CELF2: variants seen among roughly 807,000 people sequenced by gnomAD.
CELF2 encodes CUG triplet repeat RNA-binding protein 2.
In CELF2, 8 loss-of-function variants were observed where a neutral mutation model predicts 62.6. That is an observed-to-expected ratio of 0.13 (90% CI 0.07 to 0.23). The LOEUF (loss-of-function observed/expected upper bound fraction) is 0.23, where lower values mean the gene tolerates loss of function less well. Among genes scored for constraint, CELF2 ranks in the 10% least tolerant of loss-of-function variants. The pLI is 1.00. For missense variants in CELF2, 333 were observed against 671.0 expected (o/e 0.50, Z 5.56); for synonymous variants, 258 against 250.0 (o/e 1.03, Z -0.30).
At chr10:11,275,238 A>T in intron 8 of CELF2, 118 bp downstream of exon 8, 2 of 1,061,992 alleles carry the variant, frequency 1.9e-6, no homozygotes, top group Non-Finnish European at 2.9e-6. Context: ...CAGACTTGTT[A>T]GCTTTCTGTC....
chr10:10,701,228 C>T, the CELF2 span, among the ~76,000 whole-genome samples: 5 of 152,220 alleles, frequency 3.3e-5, no homozygotes, highest in Non-Finnish European at 7.3e-5. Flanking sequence ...TAGGCAGAGG[C>T]TAATGCCTTC....
intron 1 of CELF2, among the ~76,000 whole-genome samples, chr10:10,829,164 T>C (rs1032421507): frequency 7.2e-5 from 11 of 152,248 alleles, no homozygotes; most frequent in African/African-American, 2.4e-4. Flanking sequence ...CACTGTCCTA[T>C]GGACTGATAC....
chr10:10,679,895 G>T, the CELF2 span, among the ~76,000 whole-genome samples: 29 of 152,168 alleles, frequency 1.9e-4, 1 homozygote, highest in Middle Eastern at 3.2e-3. Flanking sequence ...TTCAGTTGCT[G>T]CACTGAACCT....
chr10:11,249,129 A>G lies in CELF2; in HGVS notation c.355-24A>G, dbSNP rs781073758. On this transcript the variant is annotated intron_variant, in intron 3 of 12. Coordinates refer to ENST00000633077, the MANE Select transcript of CELF2 (RefSeq NM_001326342.2). ...TTTTACAGTTGTTCAATCTGCCTTT[A>G]CTTTCTCCCTTTTGTGTTTTTAGAT... 3.7e-6 allele frequency: 6 copies of G among 1,604,050 alleles called. No homozygotes were observed. The Admixed American group carries it at 1.0e-4, about 27-fold the overall frequency.
chr10:11,139,494 T>C (rs1305131176), intron 1 of CELF2, among the ~76,000 whole-genome samples: 2 of 152,226 alleles, frequency 1.3e-5, no homozygotes, highest in Non-Finnish European at 2.9e-5. Context: ...TATGGTATTA[T>C]GTGCTAAATA....
intron 4 of CELF2, among the ~76,000 whole-genome samples, chr10:11,249,858 C>T (rs1032176453): frequency 6.6e-6 from 1 of 152,144 alleles, no homozygotes; most frequent in African/African-American, 2.4e-5. Flanking sequence ...TCCCTTTCAG[C>T]GAACCTTCTG....
At chr10:10,469,669 G>A in the CELF2 span, among the ~76,000 whole-genome samples, 1 of 151,766 alleles carries the variant, frequency 6.6e-6, no homozygotes, top group African/African-American at 2.4e-5. Flanking sequence ...AATTGGTTGG[G>A]AAGTATTCCT....
chr10:10,996,666 T>G (rs922949958), intron 2 of CELF2, among the ~76,000 whole-genome samples: 1 of 152,222 alleles, frequency 6.6e-6, no homozygotes, highest in Non-Finnish European at 1.5e-5. Context: ...TTCAACCCTT[T>G]TATAATGCCT....
At chr10:10,814,301 A>C (rs1392587417) in intron 1 of CELF2, among the ~76,000 whole-genome samples, 2 of 149,536 alleles carry the variant, frequency 1.3e-5, no homozygotes, top group Non-Finnish European at 1.5e-5. Flanking sequence ...TTTATTGCCC[A>C]AAAGAGCCAG....
the CELF2 span, among the ~76,000 whole-genome samples, chr10:10,680,144 C>CGTACGTAT: frequency 3.3e-5 from 5 of 150,764 alleles, no homozygotes; most frequent in East Asian, 7.8e-4. Flanking sequence ...TATGTATGTA[C>CGTACGTAT]GTATGTATGT....
intron 1 of CELF2, among the ~76,000 whole-genome samples, chr10:10,893,944 A>G (rs2062349800): frequency 6.6e-6 from 1 of 152,176 alleles, no homozygotes; most frequent in South Asian, 2.1e-4. Context: ...GGGGACACAG[A>G]TCCAAACCAT....
intron 2 of CELF2, among the ~76,000 whole-genome samples, chr10:11,205,839 T>C (rs912637028): frequency 6.6e-6 from 1 of 152,212 alleles, no homozygotes; most frequent in African/African-American, 2.4e-5. Context: ...AAGACAGTTA[T>C]AACGGCCATA....
the CELF2 span, among the ~76,000 whole-genome samples, chr10:10,561,176 T>A: frequency 3.3e-5 from 5 of 152,288 alleles, no homozygotes; most frequent in South Asian, 6.2e-4. Context: ...ATAAAATTTT[T>A]AAAAATTTCC....
chr10:10,533,854 A>T, the CELF2 span, among the ~76,000 whole-genome samples: 49 of 152,214 alleles, frequency 3.2e-4, no homozygotes, highest in Non-Finnish European at 4.9e-4. Flanking sequence ...AGGCACACAG[A>T]TATCTACTTG....
chr10:11,034,526 A>T (rs12771424), intron 1 of CELF2, among the ~76,000 whole-genome samples: 36 of 152,242 alleles, frequency 2.4e-4, no homozygotes, highest in Non-Finnish European at 3.8e-4. Flanking sequence ...ATTACTAAGA[A>T]CACTGGAAGA....
At chr10:10,663,891 T>C in the CELF2 span, among the ~76,000 whole-genome samples, 34 of 152,194 alleles carry the variant, frequency 2.2e-4, no homozygotes, top group African/African-American at 4.3e-4. Context: ...AGTTAACCTA[T>C]TGCAACAAAA....
At chr10:10,494,671 A>G in the CELF2 span, among the ~76,000 whole-genome samples, 1 of 152,164 alleles carries the variant, frequency 6.6e-6, no homozygotes, top group African/African-American at 2.4e-5. Context: ...TCTTAAACCA[A>G]TCACAGAGGG....
the CELF2 span, among the ~76,000 whole-genome samples, chr10:10,527,677 G>A: frequency 3.3e-5 from 5 of 152,148 alleles, no homozygotes; most frequent in Admixed American, 6.5e-5. Context: ...GCCATCTCTA[G>A]CAGTGATTGA....
In CELF2 at chr10:10,974,781, G is replaced by A. The variant is rs539509003; in HGVS notation, c.89+54782G>A. Among the ~76,000 whole-genome samples, 7 of 152,280 alleles carry A rather than the reference G, an allele frequency of 4.6e-5. No homozygotes were observed. In the South Asian group the frequency reaches 8.3e-4, roughly 18 times the overall value. On this transcript the variant is annotated intron_variant, in intron 2 of 13. Coordinates refer to the CELF2 transcript ENST00000636488. Reference sequence around the variant, plus strand: ...GTATATACCATCTTAGACACATTGAGCCCTGCCTGGTCAAATTCTCATGAA... The same window carrying A: ...GTATATACCATCTTAGACACATTGAACCCTGCCTGGTCAAATTCTCATGAA...
Sources: allele counts gnomAD v4.1 joint callset (sites outside exome capture counted in the v4.1 genomes callset), GRCh38; gene constraint gnomAD v4.1.1; transcripts MANE v1.5; gene names NCBI Gene and HGNC (gene_info 2026-07-23, HGNC 2026-07-21).